The following PGC variants were observed in gnomAD, a reference collection of about 807,000 sequenced individuals.
PGC encodes the protein gastricsin.
A neutral mutation model predicts 45.9 loss-of-function variants in PGC; 31 were observed. That is an observed-to-expected ratio of 0.67 (90% CI 0.51 to 0.91). The LOEUF (loss-of-function observed/expected upper bound fraction) is 0.91. Ranked by LOEUF, PGC falls within the 40% of genes least tolerant of loss-of-function variation. The probability of loss-of-function intolerance (pLI) is 0.00; values close to 1 mark genes in which losing one functional copy is unlikely to be tolerated. For missense variants in PGC, 477 were observed against 493.2 expected, an observed-to-expected ratio of 0.97 and a Z score of 0.31; for synonymous variants, 192 against 201.8, an observed-to-expected ratio of 0.95 and a Z score of 0.41.
chr6:41,741,874 A>G, intron 5 of PGC: 1 of 1,490,000 alleles, frequency 6.7e-7, no homozygotes, highest in Non-Finnish European at 9.1e-7. Flanking sequence ...AGATGAAGCA[A>G]TACATTACTA....
At chr6:41,746,175 AAAG>A (rs1438408520) in intron 1 of PGC, among the ~76,000 whole-genome samples, 1 of 150,906 alleles carries the variant, frequency 6.6e-6, no homozygotes, top group Non-Finnish European at 1.5e-5. Flanking sequence ...AAAAAAAAAC[AAAG>A]AAGATTTCAG....
Position 41,742,493 on chromosome 6 carries a change from A to G in PGC, c.448-4T>C, listed in dbSNP as rs758224589. On this transcript the variant is annotated splice_polypyrimidine_tract_variant and splice_region_variant and intron_variant, in intron 4 of 8. Transcript: ENST00000373025. The stretch of plus-strand genomic sequence containing the variant: ...TGGGGACCTGGATGCTCTGGACCTA[A>G]TGGAGACACAAACGAGGGGAGGTGA... 3 of 1,613,590 alleles carry G rather than the reference A, an allele frequency of 1.9e-6. No homozygotes were observed. In the Admixed American group the frequency reaches 5.0e-5, roughly 27 times the overall value.
At chr6:41,743,522 G>C in intron 3 of PGC, 133 bp from the exon 4 acceptor site, 1 of 687,018 alleles carries the variant, frequency 1.5e-6, no homozygotes, top group Admixed American at 2.2e-5. Context: ...ACCCCTGGTT[G>C]CCAAGTCAAG....
intron 5 of PGC, chr6:41,740,856 T>C: frequency 1.4e-6 from 2 of 1,429,868 alleles, no homozygotes; most frequent in Middle Eastern, 2.6e-4. Flanking sequence ...AGTCTGTGTC[T>C]CCCTCAGACT....
Position 41,740,535 on chromosome 6 carries a change from C to G in PGC, c.723G>C (p.Trp241Cys). The part of the protein sequence containing the change: ...DSSLYTGQIY[W>C]APVTQELYWQ... ...AGTAGAGTTCCTGGGTGACAGGCGC[C>G]CAGTAGATCTGCCCCGTGTACAGGC... Residue 241 changes from tryptophan (W) to cysteine (C), a missense_variant, in exon 6 of 9, where the codon TGG becomes TGC. Coordinates refer to ENST00000373025, the MANE Select transcript of PGC (RefSeq NM_002630.4). 6.2e-7 allele frequency: 1 copy of G among 1,611,096 alleles called. No homozygotes were observed. Among genetic ancestry groups the G allele is most frequent in the Non-Finnish European group, 8.5e-7 (1 of 1,178,554 alleles).
At chr6:41,741,731 C>A (rs1771828758) in intron 5 of PGC, 1 of 1,134,558 alleles carries the variant, frequency 8.8e-7, no homozygotes, top group Non-Finnish European at 1.3e-6. Context: ...GGCCGCTCAC[C>A]CCCACCCACT....
intron 5 of PGC, 22 bp from the exon 6 acceptor site, chr6:41,740,632 G>A (rs1180722037): frequency 3.8e-6 from 6 of 1,578,576 alleles, no homozygotes; most frequent in Non-Finnish European, 5.2e-6. Flanking sequence ...AAAGGGAAGG[G>A]GAAGTCAGGG....
intron 1 of PGC, among the ~76,000 whole-genome samples, chr6:41,746,052 C>T (rs1030746814): frequency 6.6e-6 from 1 of 151,878 alleles, no homozygotes; most frequent in Non-Finnish European, 1.5e-5. Flanking sequence ...ATCCTAGCTA[C>T]TCGGGAGGCT....
intron 6 of PGC, 127 bp downstream of exon 6, chr6:41,740,364 G>A: frequency 8.1e-7 from 1 of 1,237,054 alleles, no homozygotes. Context: ...TTGTGGCTTT[G>A]TAGGAGTAAG....
At chr6:41,740,913 G>A (rs1004249056) in intron 5 of PGC, 96 of 1,455,588 alleles carry the variant, frequency 6.6e-5, no homozygotes, top group Non-Finnish European at 8.4e-5. Context: ...GGGGCTCCCT[G>A]GGGACTGGGA....
At position 41,742,503 on chromosome 6, in the gene PGC, A is replaced by T; in HGVS notation, c.448-14T>A. 1 of 1,611,640 alleles carries T rather than the reference A, an allele frequency of 6.2e-7. No homozygotes were observed. The highest frequency in any genetic ancestry group is 1.1e-5 in the South Asian group (1 of 91,048). Reference sequence around the variant, plus strand: ...GATGCTCTGGACCTAATGGAGACACAAACGAGGGGAGGTGACCAGTCTGAC... The same window carrying T: ...GATGCTCTGGACCTAATGGAGACACTAACGAGGGGAGGTGACCAGTCTGAC... On this transcript the variant is annotated splice_polypyrimidine_tract_variant and intron_variant, in intron 4 of 8. Transcript: ENST00000373025.
chr6:41,737,742 G>A lies in PGC; in HGVS notation c.1002C>T (p.Ser334=). 1 of 1,597,252 alleles carries A rather than the reference G, an allele frequency of 6.3e-7. No individual in the cohort carries two copies. Among genetic ancestry groups the A allele is most frequent in the Non-Finnish European group, 8.6e-7 (1 of 1,164,674 alleles). ...GACCAGGACTTACACTGAGGATATA[G>A]GAGGAAGGTGGCAGAGGGAACTCCA... ...NGVEFPLPPS[S]YILSNNGYCT... Residue 334 remains serine, a synonymous_variant, in exon 8 of 9, where the codon TCC becomes TCT. Coordinates refer to ENST00000373025, the MANE Select transcript of PGC (RefSeq NM_002630.4).
At chr6:41,745,026 T>C (rs1015791033) in intron 1 of PGC, among the ~76,000 whole-genome samples, 4 of 150,640 alleles carry the variant, frequency 2.7e-5, no homozygotes, top group African/African-American at 7.3e-5. Flanking sequence ...CGCGCGCGCG[T>C]GTTTCTTCCT....
intron 5 of PGC, 54 bp downstream of exon 5, chr6:41,742,236 A>G: frequency 6.6e-7 from 1 of 1,522,414 alleles, no homozygotes; most frequent in Non-Finnish European, 9.1e-7. Context: ...TCAGTCGTCC[A>G]GGGCGGCCGG....
In PGC at chr6:41,744,861, C is replaced by T. The variant is rs1326051680; in HGVS notation, c.60-53G>A. 3 of 1,493,972 alleles carry T rather than the reference C, an allele frequency of 2.0e-6. No homozygotes were observed. The African/African-American group carries it at 4.2e-5, about 21-fold the overall frequency. 92.5% of individuals were successfully genotyped at this position (1,493,972 alleles called of 1,614,324 possible). A position where few individuals can be genotyped will look rare whatever the true frequency, so the allele number is the denominator to read the frequency against. ...GCCCTCCCTCCTTCCTCTCTTCCCA[C>T]TCCTCTCTTTCTCTCTCTCCTTCTC... is the stretch of plus-strand genomic sequence containing the variant. On this transcript the variant is annotated intron_variant, in intron 1 of 8. Transcript: ENST00000373025. This position sits in a 1 kb window ranked among gnomAD's most constrained non-coding sequence, Gnocchi z 4.4.
chr6:41,739,979 T>TC (rs750821478), intron 6 of PGC, 33 bp from the exon 7 acceptor site: 8 of 1,604,126 alleles, frequency 5.0e-6, no homozygotes, highest in Non-Finnish European at 6.8e-6. Flanking sequence ...GCCTCAGGAC[T>TC]CCCCCAGTTC....
In PGC at chr6:41,744,704, C is replaced by T. The variant is rs146894860; in HGVS notation, c.164G>A (p.Arg55His). ...GTAGGTCACGCTGAGGTCACCAAAG[C>T]GGTACTTCCAAGCAGGATCATACTT... ...THKYDPAWKY[R>H]FGDLSVTYEP... The change falls in exon 2 of 9, where the codon CGC becomes CAC. Residue 55 changes from arginine (R) to histidine (H), a missense_variant. Transcript: ENST00000373025. The surrounding 1 kb of genome is among the most constrained non-coding windows in gnomAD (Gnocchi z 4.4). 1.1e-4 allele frequency: 176 copies of T among 1,614,140 alleles called. No homozygotes were observed. The highest frequency in any genetic ancestry group is 4.9e-4 in the Middle Eastern group (3 of 6,062).
In PGC at chr6:41,736,930, G is replaced by A. The variant is rs555686846; in HGVS notation, c.1089C>T (p.Leu363=). The change falls in exon 9 of 9, where the codon CTC becomes CTT. Residue 363 remains leucine, a synonymous_variant. Transcript: ENST00000373025. ...SSQNGQPLWI[L]GDVFLRSYYS... is the part of the protein sequence containing the mutation. ...AGTAGGACCTGAGGAAGACATCCCC[G>A]AGGATCCACAGGGGCTGGCCGTTCT... 61 of 1,614,006 alleles carry A rather than the reference G, an allele frequency of 3.8e-5. No homozygotes were observed. In the South Asian group the frequency reaches 6.3e-4, roughly 17 times the overall value.
intron 4 of PGC, 149 bp downstream of exon 4, chr6:41,743,122 G>C (rs376553246): frequency 1.4e-6 from 1 of 693,306 alleles, no homozygotes; most frequent in Admixed American, 2.0e-5. Flanking sequence ...TGAGTGTTGG[G>C]GGAGTGACTG....
Sources: gnomAD v4.1 joint callset for allele counts (sites outside exome capture counted in the v4.1 genomes callset) on GRCh38, gnomAD v4.1.1 for gene constraint, Gnocchi (gnomAD v3.1) non-coding constraint, MANE v1.5 for transcripts, NCBI Gene and HGNC (gene_info 2026-07-23, HGNC 2026-07-21) for gene names.